The following RAD51B variants were observed in gnomAD, a reference collection of about 807,000 sequenced individuals.
RAD51B encodes DNA repair protein RAD51 homolog 2.
In RAD51B, 38 loss-of-function variants were observed where a neutral mutation model predicts 42.2. The ratio of observed to expected loss-of-function variants is 0.90; its 90% CI spans 0.70 to 1.18. RAD51B has a LOEUF of 1.18. Among genes scored for constraint, RAD51B ranks in the 50% most tolerant of loss-of-function variants. The probability of loss-of-function intolerance (pLI) is 0.00; values close to 1 mark genes in which losing one functional copy is unlikely to be tolerated. For missense variants in RAD51B, 373 were observed against 400.7 expected (o/e 0.93, Z 0.59); for synonymous variants, 154 against 145.2 (o/e 1.06, Z -0.43).
chr14:68,345,063 A>G (rs1336002585), intron 8 of RAD51B, among the ~76,000 whole-genome samples: 1 of 151,564 alleles, frequency 6.6e-6, no homozygotes, highest in Admixed American at 6.6e-5. Context: ...GGGAATATTT[A>G]CCCAATGCCC....
At chr14:68,338,949 A>G (rs764865081) in intron 8 of RAD51B, 94 of 658,288 alleles carry the variant, frequency 1.4e-4, no homozygotes, top group Non-Finnish European at 2.3e-4. Flanking sequence ...CCTGTGGACT[A>G]GATGTCCCAG....
chr14:68,648,421 A>G (rs145876626), intron 10 of RAD51B, among the ~76,000 whole-genome samples: 1,540 of 149,028 alleles, frequency 0.01, 24 homozygotes, highest in African/African-American at 0.035. Context: ...TTATGGTGAA[A>G]AAGACATTCT....
At chr14:67,841,832 G>A (rs1216563647) in intron 4 of RAD51B, among the ~76,000 whole-genome samples, 1 of 152,120 alleles carries the variant, frequency 6.6e-6, no homozygotes, top group Admixed American at 6.6e-5. Context: ...TTGAAGTCAG[G>A]TAGTGTGATG....
At chr14:68,106,517 G>A (rs1308936795) in intron 7 of RAD51B, among the ~76,000 whole-genome samples, 1 of 151,864 alleles carries the variant, frequency 6.6e-6, no homozygotes, top group African/African-American at 2.4e-5. Context: ...GTAAGTAAAA[G>A]TTAATTTAAA....
intron 7 of RAD51B, among the ~76,000 whole-genome samples, chr14:68,008,915 G>A (rs73284220): frequency 0.042 from 6,429 of 151,964 alleles, 479 homozygotes; most frequent in African/African-American, 0.15. Context: ...TGCCAAGGCC[G>A]TGTAAATAGT....
chr14:68,050,814 G>T (rs1479295249), intron 7 of RAD51B, among the ~76,000 whole-genome samples: 1 of 151,946 alleles, frequency 6.6e-6, no homozygotes, highest in East Asian at 1.9e-4. Flanking sequence ...ATATATAATG[G>T]TATAAATGGG....
intron 10 of RAD51B, among the ~76,000 whole-genome samples, chr14:68,515,588 A>G (rs1402656370): frequency 6.6e-6 from 1 of 150,776 alleles, no homozygotes; most frequent in East Asian, 1.9e-4. Flanking sequence ...TGCTAGGACT[A>G]CAGGTGTGCA....
At chr14:67,824,995 T>G (rs1482993813) in intron 2 of RAD51B, among the ~76,000 whole-genome samples, 2 of 145,810 alleles carry the variant, frequency 1.4e-5, no homozygotes, top group Non-Finnish European at 3.0e-5. Flanking sequence ...GAAGAATCGC[T>G]TGAACCCAGG....
chr14:68,029,190 T>C (rs1180089261), intron 7 of RAD51B, among the ~76,000 whole-genome samples: 3 of 152,256 alleles, frequency 2.0e-5, no homozygotes, highest in African/African-American at 7.2e-5. Flanking sequence ...CTTTCAGTGT[T>C]TCTTCTCTGA....
intron 7 of RAD51B, among the ~76,000 whole-genome samples, chr14:68,089,947 T>G (rs1352417407): frequency 2.0e-5 from 3 of 152,148 alleles, no homozygotes; most frequent in African/African-American, 7.2e-5. Context: ...TGCCCTAAAT[T>G]ATATTATTTT....
At chr14:68,121,395 A>T (rs2077649489) in intron 7 of RAD51B, among the ~76,000 whole-genome samples, 1 of 152,166 alleles carries the variant, frequency 6.6e-6, no homozygotes, top group Non-Finnish European at 1.5e-5. Context: ...AAGAGGCGTT[A>T]TTCCTCCTTG....
chr14:68,309,810 G>A (rs371028141), intron 8 of RAD51B, among the ~76,000 whole-genome samples: 5 of 152,200 alleles, frequency 3.3e-5, no homozygotes, highest in Non-Finnish European at 5.9e-5. Flanking sequence ...CCACAGAGCC[G>A]CTGGTATTGG....
At chr14:67,928,012 C>T (rs991879622) in intron 7 of RAD51B, among the ~76,000 whole-genome samples, 5 of 151,920 alleles carry the variant, frequency 3.3e-5, no homozygotes, top group African/African-American at 1.2e-4. Context: ...ATGCTGGCCT[C>T]ATAGAATGAG....
intron 7 of RAD51B, among the ~76,000 whole-genome samples, chr14:68,052,048 G>C (rs865927913): frequency 6.6e-5 from 10 of 152,152 alleles, no homozygotes; most frequent in African/African-American, 1.9e-4. Flanking sequence ...GTAATAACCA[G>C]ACCATAGACT....
intron 7 of RAD51B, among the ~76,000 whole-genome samples, chr14:68,084,820 C>T (rs545985359): frequency 2.0e-5 from 3 of 152,188 alleles, no homozygotes; most frequent in Non-Finnish European, 2.9e-5. Context: ...ATGACTTGTA[C>T]GCTGCTGTGT....
At chr14:68,491,901 C>T (rs530690466) in intron 10 of RAD51B, among the ~76,000 whole-genome samples, 1 of 152,182 alleles carries the variant, frequency 6.6e-6, no homozygotes, top group South Asian at 2.1e-4. Flanking sequence ...TCAAGTAACG[C>T]TTTTTCACTC....
chr14:68,207,288 A>G (rs2140937607), intron 7 of RAD51B, among the ~76,000 whole-genome samples: 1 of 152,324 alleles, frequency 6.6e-6, no homozygotes, highest in East Asian at 1.9e-4. Flanking sequence ...ATATTTTAGA[A>G]ATCATGAATT....
intron 7 of RAD51B, among the ~76,000 whole-genome samples, chr14:68,073,513 C>T (rs752142143): frequency 5.9e-5 from 9 of 152,078 alleles, no homozygotes; most frequent in Non-Finnish European, 1.0e-4. Flanking sequence ...GATGCTTAAC[C>T]TGTTTTTCTT....
At chr14:68,268,896 G>A (rs1376143905) in intron 7 of RAD51B, among the ~76,000 whole-genome samples, 2 of 152,174 alleles carry the variant, frequency 1.3e-5, no homozygotes, top group East Asian at 3.9e-4. Context: ...TTTCCAACCA[G>A]AAATATTCTG....
Sources: gnomAD v4.1 joint callset for allele counts (sites outside exome capture counted in the v4.1 genomes callset) on GRCh38, gnomAD v4.1.1 for gene constraint, MANE v1.5 for transcripts, NCBI Gene and HGNC (gene_info 2026-07-23, HGNC 2026-07-21) for gene names.